Variants in SORCS2 observed in about 807,000 individuals in gnomAD.
SORCS2 encodes sortilin related VPS10 domain containing receptor 2.
In SORCS2, 100 loss-of-function variants were observed where a neutral mutation model predicts 141.6. The ratio of observed to expected loss-of-function variants is 0.71; its 90% CI spans 0.60 to 0.83. The LOEUF (loss-of-function observed/expected upper bound fraction) is 0.83. Among genes scored for constraint, SORCS2 ranks in the 40% least tolerant of loss-of-function variants. The probability of loss-of-function intolerance (pLI) is 0.00; values close to 1 mark genes in which losing one functional copy is unlikely to be tolerated. For missense variants in SORCS2, 1,646 were observed against 1,560.2 expected (o/e 1.05, Z -0.93); for synonymous variants, 789 against 676.9 (o/e 1.17, Z -2.57).
intron 1 of SORCS2, among the ~76,000 whole-genome samples, chr4:7,333,985 A>G (rs953891457): frequency 7.9e-5 from 12 of 151,742 alleles, no homozygotes; most frequent in Non-Finnish European, 2.9e-5. Flanking sequence ...TCAGCTGGGG[A>G]CAGCGTCCCC....
chr4:7,432,581 C>T (rs1474563782), intron 2 of SORCS2: 1 of 152,142 alleles, frequency 6.6e-6, no homozygotes, highest in Non-Finnish European at 1.5e-5. Context: ...ATATTTTGCT[C>T]TCCTGACTTT....
At chr4:7,434,771 G>A (rs766696623) in intron 2 of SORCS2, 3 of 1,612,698 alleles carry the variant, frequency 1.9e-6, no homozygotes, top group African/African-American at 2.7e-5. Context: ...GCTGTCTGCA[G>A]ATCCTGACAC....
chr4:7,347,255 TTTGGA>T (rs1396519502), intron 1 of SORCS2, among the ~76,000 whole-genome samples: 1 of 152,196 alleles, frequency 6.6e-6, no homozygotes, highest in Non-Finnish European at 1.5e-5. Context: ...CTACTTTCTC[TTTGGA>T]TTGGATCTGG....
At chr4:7,301,524 T>G (rs547765060) in intron 1 of SORCS2, among the ~76,000 whole-genome samples, 1 of 152,300 alleles carries the variant, frequency 6.6e-6, no homozygotes, top group African/African-American at 2.4e-5. Flanking sequence ...GGCTGACCCC[T>G]GAGTATGGGC....
intron 3 of SORCS2, among the ~76,000 whole-genome samples, chr4:7,552,209 A>G (rs1450601220): frequency 8.5e-5 from 13 of 152,136 alleles, no homozygotes; most frequent in Non-Finnish European, 1.6e-4. Context: ...TCCAGGGCCC[A>G]TGCGAGGTGG....
rs1049018961 is a variant in SORCS2, at chr4:7,484,882, A to G, written c.549-46648A>G. Among the ~76,000 whole-genome samples, 16 of 151,454 alleles carry G rather than the reference A, an allele frequency of 1.1e-4. No homozygotes were observed. In the South Asian group the frequency reaches 1.5e-3, roughly 14 times the overall value. On this transcript the variant is annotated intron_variant, in intron 2 of 26. Coordinates refer to ENST00000507866, the MANE Select transcript of SORCS2 (RefSeq NM_020777.3). ...TCCATGCGGCCTGTCTCCTGCATCC[A>G]GCCCACCTCCTCCACACAGCCTGCC...
intron 2 of SORCS2, among the ~76,000 whole-genome samples, chr4:7,471,691 C>CTT (rs1729988070): frequency 6.6e-6 from 1 of 152,226 alleles, no homozygotes; most frequent in Non-Finnish European, 1.5e-5. Context: ...AGGCCTGTTC[C>CTT]GGGAGTAGGC....
chr4:7,424,010 T>A (rs1254071783), intron 2 of SORCS2, among the ~76,000 whole-genome samples: 1 of 152,180 alleles, frequency 6.6e-6, no homozygotes, highest in Non-Finnish European at 1.5e-5. Flanking sequence ...GGGCGCTCCG[T>A]GTCCTGGCAT....
chr4:7,374,127 CCCTCTTTCTTT>C (rs1722461400), intron 1 of SORCS2, among the ~76,000 whole-genome samples: 1 of 15,764 alleles, frequency 6.3e-5, no homozygotes, highest in Non-Finnish European at 1.3e-4. Context: ...TTCTTTCTTT[CCCTCTTTCTTT>C]CTTTCTTTCT....
intron 1 of SORCS2, among the ~76,000 whole-genome samples, chr4:7,213,566 C>G (rs973733004): frequency 1.9e-4 from 29 of 152,320 alleles, no homozygotes; most frequent in South Asian, 6.2e-4. Context: ...GCTTGCTGCC[C>G]CAATCTGAAC....
At chr4:7,674,994 T>G (rs1313600384) in intron 8 of SORCS2, among the ~76,000 whole-genome samples, 3 of 151,824 alleles carry the variant, frequency 2.0e-5, no homozygotes, top group African/African-American at 7.3e-5. Flanking sequence ...TCTCAGAGGG[T>G]GATGAAGCTC....
At chr4:7,336,043 A>T (rs1306069513) in intron 1 of SORCS2, among the ~76,000 whole-genome samples, 2 of 152,172 alleles carry the variant, frequency 1.3e-5, no homozygotes, top group African/African-American at 4.8e-5. Flanking sequence ...CTGTCACCAT[A>T]AGCGCTGTGT....
intron 12 of SORCS2, 116 bp from the exon 13 acceptor site, chr4:7,703,164 C>G (rs928037260): frequency 8.8e-6 from 7 of 796,432 alleles, no homozygotes; most frequent in South Asian, 1.9e-5. Flanking sequence ...CGGCCTTGGC[C>G]TCTGCCAACA....
chr4:7,599,770 G>T (rs77028159), intron 3 of SORCS2, among the ~76,000 whole-genome samples: 1 of 151,992 alleles, frequency 6.6e-6, no homozygotes, highest in Non-Finnish European at 1.5e-5. Flanking sequence ...CAGGGCGTGG[G>T]ATCTTTGCCC....
chr4:7,722,190 G>A (rs1452428052), intron 18 of SORCS2, among the ~76,000 whole-genome samples: 1 of 149,636 alleles, frequency 6.7e-6, no homozygotes, highest in African/African-American at 2.6e-5. Flanking sequence ...CACGAGTCCT[G>A]ACTCTGGGTC....
chr4:7,614,460 C>G (rs1236558873), intron 3 of SORCS2, among the ~76,000 whole-genome samples: 3 of 149,994 alleles, frequency 2.0e-5, no homozygotes, highest in Non-Finnish European at 4.4e-5. Context: ...ATCCATTCAC[C>G]CATAATCCAT....
chr4:7,605,549 T>C (rs891733581), intron 3 of SORCS2, among the ~76,000 whole-genome samples: 1 of 152,278 alleles, frequency 6.6e-6, no homozygotes, highest in East Asian at 1.9e-4. Flanking sequence ...CTTGCAAGCT[T>C]AACAGTGCAC....
At chr4:7,204,051 C>T (rs1415821561) in intron 1 of SORCS2, among the ~76,000 whole-genome samples, 3 of 152,154 alleles carry the variant, frequency 2.0e-5, no homozygotes, top group Admixed American at 6.5e-5. Flanking sequence ...CATTTCCTTT[C>T]TTCATGCATC....
intron 2 of SORCS2, among the ~76,000 whole-genome samples, chr4:7,423,175 C>A (rs549783798): frequency 6.6e-6 from 1 of 152,172 alleles, no homozygotes; most frequent in African/African-American, 2.4e-5. Context: ...GGCTCTGACT[C>A]CGTGCTGTTT....
Sources: gnomAD v4.1 joint callset for allele counts (sites outside exome capture counted in the v4.1 genomes callset) on GRCh38, gnomAD v4.1.1 for gene constraint, MANE v1.5 for transcripts, NCBI Gene and HGNC (gene_info 2026-07-23, HGNC 2026-07-21) for gene names.